The following MAP3K13 variants were observed in gnomAD, a reference collection of about 807,000 sequenced individuals.
The protein encoded by MAP3K13 is leucine zipper-bearing kinase.
Under a neutral mutation model 104.0 loss-of-function variants are expected in MAP3K13, and 52 were observed. The observed-to-expected ratio is 0.50, with a 90% CI of 0.40 to 0.63. The LOEUF is 0.63. Ranked by LOEUF, MAP3K13 falls within the 20% of genes least tolerant of loss-of-function variation. MAP3K13 has a pLI of 0.00. For missense variants in MAP3K13, 914 were observed against 1,218.5 expected (o/e 0.75, Z 3.72); for synonymous variants, 394 against 442.2 (o/e 0.89, Z 1.37).
At chr3:185,406,115 A>G (rs1490762999) in intron 1 of MAP3K13, among the ~76,000 whole-genome samples, 1 of 152,220 alleles carries the variant, frequency 6.6e-6, no homozygotes, top group Non-Finnish European at 1.5e-5. Context: ...TAAGAGTTCA[A>G]TATCAGAAGA....
rs185907104 is a variant in MAP3K13, at chr3:185,488,021, T to C, written c.*5565T>C. The C allele has an allele frequency of 2.6e-3, 398 of 152,298 alleles. 4 individuals carry two copies. The highest frequency in any genetic ancestry group is 4.2e-3 in the Non-Finnish European group (287 of 68,018). The allele number at this position is 152,298 out of a possible 1,614,324, so 9.4% of individuals were successfully genotyped here. The stretch of plus-strand genomic sequence containing the variant: ...TGCCCTTTTGGACAACAATTCCAAT[T>C]GAAGGAACACCAATCACTGATGGAT... On this transcript the variant is annotated 3_prime_UTR_variant, in exon 14 of 14. Coordinates refer to ENST00000265026, the MANE Select transcript of MAP3K13 (RefSeq NM_004721.5).
intron 2 of MAP3K13, among the ~76,000 whole-genome samples, chr3:185,330,046 A>ATTTTTTTTTTTTTTT (rs548813356): frequency 7.1e-5 from 7 of 98,274 alleles, no homozygotes; most frequent in East Asian, 3.1e-4. Flanking sequence ...TGCCTGGCTA[A>ATTTTTTTTTTTTTTT]TTTTTTTTTT....
At chr3:185,336,478 G>T (rs1419187446) in intron 2 of MAP3K13, among the ~76,000 whole-genome samples, 1 of 150,870 alleles carries the variant, frequency 6.6e-6, no homozygotes, top group Non-Finnish European at 1.5e-5. Flanking sequence ...GGAGGCGGAG[G>T]CTGCAGTAAG....
intron 1 of MAP3K13, among the ~76,000 whole-genome samples, chr3:185,408,208 C>G (rs1713228666): frequency 6.6e-6 from 1 of 152,070 alleles, no homozygotes; most frequent in Admixed American, 6.6e-5. Flanking sequence ...TGAAATCAAA[C>G]TTATTTCATG....
At chr3:185,389,171 A>G (rs1259609568) in intron 1 of MAP3K13, among the ~76,000 whole-genome samples, 3 of 152,212 alleles carry the variant, frequency 2.0e-5, no homozygotes, top group Non-Finnish European at 4.4e-5. Context: ...AATAGATACT[A>G]TGAGCACCAT....
At chr3:185,377,400 A>G (rs552288465) in intron 1 of MAP3K13, among the ~76,000 whole-genome samples, 104 of 152,096 alleles carry the variant, frequency 6.8e-4, no homozygotes, top group African/African-American at 2.4e-3. Flanking sequence ...TAAGGTGGGG[A>G]GATACAAGGA....
At chr3:185,477,270 G>A (rs1718184778) in intron 11 of MAP3K13, 56 bp from the exon 12 acceptor site, 5 of 1,100,352 alleles carry the variant, frequency 4.5e-6, no homozygotes, top group Non-Finnish European at 7.0e-6. Flanking sequence ...GGGATGGGGT[G>A]AGAGAGACAG....
intron 2 of MAP3K13, among the ~76,000 whole-genome samples, chr3:185,314,576 A>G (rs1333033218): frequency 1.3e-5 from 2 of 151,994 alleles, no homozygotes; most frequent in African/African-American, 4.8e-5. Flanking sequence ...AGATCACACC[A>G]CTGCATTCCA....
At chr3:185,361,561 C>T (rs1274298025), upstream of MAP3K13, among the ~76,000 whole-genome samples, 1 of 151,938 alleles carries the variant, frequency 6.6e-6, no homozygotes, top group Admixed American at 6.6e-5. Flanking sequence ...CCATCACGCC[C>T]GGCTAATTTT....
chr3:185,309,274 G>A (rs559106936), intron 2 of MAP3K13, among the ~76,000 whole-genome samples: 1 of 152,246 alleles, frequency 6.6e-6, no homozygotes, highest in South Asian at 2.1e-4. Context: ...AGGCCACAAG[G>A]TGGTGGGTGG....
At chr3:185,313,750 G>GC (rs1179140686) in intron 2 of MAP3K13, among the ~76,000 whole-genome samples, 1 of 149,398 alleles carries the variant, frequency 6.7e-6, no homozygotes, top group African/African-American at 2.5e-5. Context: ...AAAAAAAGAA[G>GC]GGTGAATTAT....
chr3:185,403,191 G>T (rs1258805370), intron 1 of MAP3K13, among the ~76,000 whole-genome samples: 1 of 152,166 alleles, frequency 6.6e-6, no homozygotes, highest in East Asian at 1.9e-4. Flanking sequence ...GTTTAATTCA[G>T]ATCAGTTGAG....
chr3:185,481,019 AG>A (rs1055413394), intron 13 of MAP3K13, among the ~76,000 whole-genome samples: 5 of 152,184 alleles, frequency 3.3e-5, no homozygotes, highest in Non-Finnish European at 4.4e-5. Context: ...AAACCATATC[AG>A]GCCTCCAAGA....
At chr3:185,417,421 G>A in intron 1 of MAP3K13, 7 of 1,339,688 alleles carry the variant, frequency 5.2e-6, no homozygotes, top group Non-Finnish European at 7.2e-6. Context: ...CTCACTGCCT[G>A]TATAATCAGG....
chr3:185,477,226 C>T (rs529685776), intron 11 of MAP3K13, 100 bp from the exon 12 acceptor site: 1 of 782,706 alleles, frequency 1.3e-6, no homozygotes, highest in Admixed American at 1.9e-5. Flanking sequence ...AAATGAATGA[C>T]TTTTGATGAT....
intron 2 of MAP3K13, among the ~76,000 whole-genome samples, chr3:185,291,288 A>G (rs1431559628): frequency 6.6e-6 from 1 of 152,208 alleles, no homozygotes; most frequent in East Asian, 1.9e-4. Context: ...ATAGAGATCA[A>G]AGACATACAA....
chr3:185,300,907 A>G (rs928350487), intron 2 of MAP3K13, among the ~76,000 whole-genome samples: 2 of 152,244 alleles, frequency 1.3e-5, no homozygotes, highest in Admixed American at 1.3e-4. Flanking sequence ...TGCAATGAAC[A>G]TGAGCGTGTG....
rs566997710 is a variant in MAP3K13, at chr3:185,453,767, TA to T, written c.1278+2386del. Among the ~76,000 whole-genome samples the T allele has an allele frequency of 1.1e-3, 137 of 129,204 alleles. 6 individuals carry two copies. Among genetic ancestry groups the T allele is most frequent in the African/African-American group, 3.0e-3 (103 of 34,404 alleles). The allele number at this position is 129,204 out of a possible 152,430, so 84.8% of individuals were successfully genotyped here. ...CTGGGGGACAAAGCGAGACTCCGTC[TA>T]AAAAAAAAAAAAATTATATATATAT... is the stretch of plus-strand genomic sequence containing the variant. On this transcript the variant is annotated intron_variant, in intron 7 of 13. Coordinates refer to ENST00000265026, the MANE Select transcript of MAP3K13 (RefSeq NM_004721.5).
chr3:185,487,428 A>G lies in MAP3K13; in HGVS notation c.*4972A>G, dbSNP rs1172495800. 6.6e-6 allele frequency: 1 copy of G among 152,090 alleles called. No homozygotes were observed. Among genetic ancestry groups the G allele is most frequent in the East Asian group, 1.9e-4 (1 of 5,190 alleles). The allele number at this position is 152,090 out of a possible 1,614,324, so 9.4% of individuals were successfully genotyped here. On this transcript the variant is annotated 3_prime_UTR_variant, in exon 14 of 14. Transcript: ENST00000265026. Reference sequence around the variant, plus strand: ...CGATCCTCCTGCTTTGGCCTCCCAAAGTACTGGGATTACAAACGTGAGCTG... The same window carrying G: ...CGATCCTCCTGCTTTGGCCTCCCAAGGTACTGGGATTACAAACGTGAGCTG...
Sources: gnomAD v4.1 joint callset for allele counts (sites outside exome capture counted in the v4.1 genomes callset) on GRCh38, gnomAD v4.1.1 for gene constraint, MANE v1.5 for transcripts, NCBI Gene and HGNC (gene_info 2026-07-23, HGNC 2026-07-21) for gene names.